The following ZNF418 variants were observed in gnomAD, a reference collection of about 807,000 sequenced individuals.
The protein encoded by ZNF418 is zinc finger protein 418.
A neutral mutation model predicts 32.0 loss-of-function variants in ZNF418; 32 were observed. That is an observed-to-expected ratio of 1.00 (90% CI 0.75 to 1.34). The LOEUF (loss-of-function observed/expected upper bound fraction) is 1.34. Ranked by LOEUF, ZNF418 falls within the 40% of genes most tolerant of loss-of-function variation. ZNF418 has a pLI of 0.00. For missense variants in ZNF418, 804 were observed against 812.5 expected, an observed-to-expected ratio of 0.99 and a Z score of 0.13; for synonymous variants, 276 against 270.7, an observed-to-expected ratio of 1.02 and a Z score of -0.19.
In ZNF418 at chr19:57,935,208, G is replaced by A; in HGVS notation, c.-128C>T. The A allele has an allele frequency of 3.9e-6, 5 of 1,286,542 alleles. No individual in the cohort carries two copies. The highest frequency in any genetic ancestry group is 2.9e-5 in the South Asian group (2 of 70,136). 79.7% of individuals were successfully genotyped at this position (1,286,542 alleles called of 1,614,324 possible). On this transcript the variant is annotated 5_prime_UTR_variant, in exon 1 of 6. Transcript: ENST00000396147. ...GCCGCCGCCATCCCGAGTACGCGGG[G>A]AAAGCACTGCCGGGAGCGGCGGGCG... is the stretch of plus-strand genomic sequence containing the variant.
chr19:57,925,334 A>G (rs975246306), intron 4 of ZNF418, among the ~76,000 whole-genome samples: 5 of 151,872 alleles, frequency 3.3e-5, no homozygotes, highest in East Asian at 1.9e-4. Flanking sequence ...GGTGGTGGGC[A>G]CCTGTAGTCC....
intron 3 of ZNF418, among the ~76,000 whole-genome samples, chr19:57,929,048 C>T (rs893549144): frequency 1.3e-5 from 2 of 152,096 alleles, no homozygotes; most frequent in African/African-American, 4.8e-5. Context: ...CTTGCTAATA[C>T]ACAATGTGTA....
rs781586376 is a variant in ZNF418, at chr19:57,926,677, T to G, written c.1504A>C (p.Arg502=). 1.2e-6 allele frequency: 2 copies of G among 1,614,022 alleles called. No individual in the cohort carries two copies. ...QDSSGFRVHQ[R]VHTGEKPFEC... is the part of the protein sequence containing the mutation. ...AACGGTTTTTCTCCAGTGTGAACTC[T>G]CTGATGAACACGAAACCCAGAGCTG... Residue 502 remains arginine (R), a synonymous_variant, in exon 4 of 6, where the codon AGA becomes CGA. Transcript: ENST00000396147.
rs191869413 is a variant in ZNF418 at position 57,933,267 on chromosome 19, C to T, written c.6+550G>A. ...GGTCATACCTGATTCCCCTTTCATGCCCTCACAGTCTATTAGAAAATCTAG... is the reference window on the plus strand; with the variant it reads ...GGTCATACCTGATTCCCCTTTCATGTCCTCACAGTCTATTAGAAAATCTAG... On this transcript the variant is annotated intron_variant, in intron 2 of 5. Transcript: ENST00000396147. Among the ~76,000 whole-genome samples, 143 of 152,312 alleles carry T rather than the reference C, an allele frequency of 9.4e-4. 1 individual carries two copies. The highest frequency in any genetic ancestry group is 3.3e-3 in the African/African-American group (136 of 41,564).
rs1244742406 is a variant in ZNF418 at position 57,927,902 on chromosome 19, G to A, written c.279C>T (p.Asp93=). ...CCTGATGATCTGCCAAGTGCAAAATGTCTCCCAAGATCGCGCCACACATTT... is the reference window on the plus strand; with the variant it reads ...CCTGATGATCTGCCAAGTGCAAAATATCTCCCAAGATCGCGCCACACATTT... ...SCEMCGAILG[D]ILHLADHQGT... is the part of the protein sequence containing the mutation. Residue 93 remains aspartate (D), a synonymous_variant, in exon 4 of 6, where the codon GAC becomes GAT. Coordinates refer to ENST00000396147, the MANE Select transcript of ZNF418 (RefSeq NM_133460.3). 1 of 1,614,074 alleles carries A rather than the reference G, an allele frequency of 6.2e-7. No individual in the cohort carries two copies. The highest frequency in any genetic ancestry group is 1.7e-5 in the Admixed American group (1 of 60,000).
intron 2 of ZNF418, among the ~76,000 whole-genome samples, chr19:57,931,303 G>A (rs1434308289): frequency 6.6e-6 from 1 of 151,474 alleles, no homozygotes; most frequent in African/African-American, 2.4e-5. Flanking sequence ...CCAGGTTCAA[G>A]CAATTTTCCT....
chr19:57,925,902 C>T lies in ZNF418; in HGVS notation c.*248G>A. 1 of 471,350 alleles carries T rather than the reference C, an allele frequency of 2.1e-6. No homozygotes were observed. The highest frequency in any genetic ancestry group is 4.1e-5 in the South Asian group (1 of 24,258). The allele number at this position is 471,350 out of a possible 1,614,324, so 29.2% of individuals were successfully genotyped here. ...TATGTTTTACAAGAAATAATATTTC[C>T]TGTACGTGTACAGTGTTTTCCTTAT... On this transcript the variant is annotated 3_prime_UTR_variant, in exon 4 of 6. Coordinates refer to ENST00000396147, the MANE Select transcript of ZNF418 (RefSeq NM_133460.3).
chr19:57,927,112 GA>G lies in ZNF418; in HGVS notation c.1068del (p.Leu357SerfsTer29), dbSNP rs1250287395. On this transcript the variant is annotated frameshift_variant, in exon 4 of 6. Coordinates refer to ENST00000396147, the MANE Select transcript of ZNF418 (RefSeq NM_133460.3). LOFTEE classifies it low-confidence loss of function (END_TRUNC). ...ECGKCFTQKG[N>X]LIQHQRGHTS... ...GTGTGACCTCGTTGATGTTGAATGA[GA>G]TTGCCCTTCTGAGTAAAACATTTCC... is the stretch of plus-strand genomic sequence containing the variant. The G allele has an allele frequency of 1.2e-6, 2 of 1,613,972 alleles. No individual in the cohort carries two copies. Among genetic ancestry groups the G allele is most frequent in the African/African-American group, 2.7e-5 (2 of 74,898 alleles).
At chr19:57,925,016 C>G (rs947996600) in intron 4 of ZNF418, among the ~76,000 whole-genome samples, 1 of 152,160 alleles carries the variant, frequency 6.6e-6, no homozygotes, top group African/African-American at 2.4e-5. Context: ...CCCTTTATGA[C>G]ACCAGAACCC....
chr19:57,929,220 C>T (rs1338747696), intron 3 of ZNF418, among the ~76,000 whole-genome samples: 3 of 152,148 alleles, frequency 2.0e-5, no homozygotes, highest in Non-Finnish European at 4.4e-5. Context: ...AAGGAAAAGA[C>T]AGAAACAGTG....
intron 2 of ZNF418, among the ~76,000 whole-genome samples, chr19:57,932,925 T>C (rs1295618258): frequency 6.6e-6 from 1 of 152,164 alleles, no homozygotes; most frequent in Non-Finnish European, 1.5e-5. Context: ...GGAAAGCCTA[T>C]GCCCCCTGAC....
Position 57,926,293 on chromosome 19 carries a change from C to T in ZNF418, c.1888G>A (p.Glu630Lys). The T allele has an allele frequency of 6.3e-7, 1 of 1,598,478 alleles. No homozygotes were observed. ...ECSECGKSFA[E>K]TFSLTEHRRV... ...CTGTGTTCAGTAAGACTGAAGGTTT[C>T]AGCAAAGGATTTCCCACATTCGCTG... The change falls in exon 4 of 6, where the codon GAA (glutamate) becomes AAA (lysine). Residue 630 changes from glutamate (E) to lysine (K), a missense_variant. By Grantham distance (56) the Glu-to-Lys change is moderately conservative. This residue lies in a region of ZNF418 where 475 missense variants were observed against 458.6 expected (regional missense o/e 1.04). Transcript: ENST00000396147.
At chr19:57,932,393 A>G (rs917890702) in intron 2 of ZNF418, 21 of 1,525,402 alleles carry the variant, frequency 1.4e-5, no homozygotes, top group South Asian at 2.4e-5. Context: ...CAGAATTCAG[A>G]GTATGCTTGG....
chr19:57,927,230 T>C lies in ZNF418; in HGVS notation c.951A>G (p.Gly317=), dbSNP rs201983469. The change falls in exon 4 of 6, where the codon GGA becomes GGG. Residue 317 remains glycine, a synonymous_variant. Coordinates refer to ENST00000396147, the MANE Select transcript of ZNF418 (RefSeq NM_133460.3). The stretch of plus-strand genomic sequence containing the variant: ...TTTGACTAAAAGATTTCCCACATTC[T>C]CCACACTCATAAGGTCTTTCTCCAG... ...VHTGERPYEC[G]ECGKSFSQNG... is the part of the protein sequence containing the mutation. 27 of 1,614,184 alleles carry C rather than the reference T, an allele frequency of 1.7e-5. No homozygotes were observed. In the South Asian group the frequency reaches 2.4e-4, roughly 14 times the overall value.
chr19:57,925,205 A>G (rs1600162111), intron 4 of ZNF418, among the ~76,000 whole-genome samples: 1 of 152,328 alleles, frequency 6.6e-6, no homozygotes, highest in African/African-American at 2.4e-5. Context: ...TCACGCCTGT[A>G]ATCCCAGCAT....
At position 57,927,173 on chromosome 19, in the gene ZNF418, G is replaced by T; in HGVS notation, c.1008C>A (p.His336Gln). 6.2e-7 allele frequency: 1 copy of T among 1,614,006 alleles called. No homozygotes were observed. Among genetic ancestry groups the T allele is most frequent in the African/African-American group, 1.3e-5 (1 of 74,978 alleles). Residue 336 changes from histidine to glutamine, a missense_variant, in exon 4 of 6, where the codon CAC becomes CAA. Coordinates refer to ENST00000396147, the MANE Select transcript of ZNF418 (RefSeq NM_133460.3). ...CACACTCATAAGGTCTTTCTCCAGTGTGAACTCGTTGATGTTTAATGAGAG... is the reference window on the plus strand; with the variant it reads ...CACACTCATAAGGTCTTTCTCCAGTTTGAACTCGTTGATGTTTAATGAGAG... ...NGTLIKHQRV[H>Q]TGERPYECEE...
At position 57,928,998 on chromosome 19, in the gene ZNF418, ACAAAAACAAAAAC is replaced by A. The variant is rs201695202; in HGVS notation, c.134-964_134-952del. 1.8e-3 allele frequency among the ~76,000 whole-genome samples: 135 copies of A among 73,350 alleles called. No individual in the cohort carries two copies. The East Asian group carries it at 0.049, about 27-fold the overall frequency. The allele number at this position is 73,350 out of a possible 152,430, so 48.1% of individuals were successfully genotyped here. On this transcript the variant is annotated intron_variant, in intron 3 of 5. Transcript: ENST00000396147. Reference sequence around the variant, plus strand: ...GACAAAGAGAGACTCCATCTCAAAAACAAAAACAAAAACCAAAAACAAAACACAATTTGTACAC... The same window carrying A: ...GACAAAGAGAGACTCCATCTCAAAAACAAAAACAAAACACAATTTGTACAC...
At chr19:57,934,156 A>G (rs1331013670) in intron 1 of ZNF418, 1 of 1,271,326 alleles carries the variant, frequency 7.9e-7, no homozygotes, top group Non-Finnish European at 1.0e-6. Context: ...GTCCCAGGAC[A>G]TCACAAGCTA....
In ZNF418 at chr19:57,927,007, G is replaced by T. The variant is rs1489991068; in HGVS notation, c.1174C>A (p.His392Asn). The change falls in exon 4 of 6, where the codon CAC becomes AAC. Residue 392 changes from histidine to asparagine, a missense_variant. By Grantham distance (68) the His-to-Asn change is moderately conservative. This residue lies in a region of ZNF418 where 475 missense variants were observed against 458.6 expected (regional missense o/e 1.04). Transcript: ENST00000396147. ...CACTCATAAGGTCGTTCTCTAGTGT[G>T]AACTCGATGATGTTCAGTTAGGGTG... is the stretch of plus-strand genomic sequence containing the variant. ...KGTLTEHHRV[H>N]TRERPYECGE... 1 of 1,614,160 alleles carries T rather than the reference G, an allele frequency of 6.2e-7. No homozygotes were observed. The highest frequency in any genetic ancestry group is 8.5e-7 in the Non-Finnish European group (1 of 1,180,036).
Sources: gnomAD v4.1 joint callset for allele counts (sites outside exome capture counted in the v4.1 genomes callset) on GRCh38, gnomAD v4.1.1 for gene constraint, gnomAD v4.1.1 regional missense constraint, MANE v1.5 for transcripts, NCBI Gene and HGNC (gene_info 2026-07-23, HGNC 2026-07-21) for gene names.